TMEM178B: variants seen among roughly 807,000 people sequenced by gnomAD.
TMEM178B encodes transmembrane protein 178B.
A neutral mutation model predicts 31.0 loss-of-function variants in TMEM178B; 5 were observed. The observed-to-expected ratio is 0.16, with a 90% CI of 0.08 to 0.34. The LOEUF is 0.34. Ranked by LOEUF, TMEM178B falls within the 10% of genes least tolerant of loss-of-function variation. The pLI is 1.00. For synonymous variants in TMEM178B, 164 were observed against 164.0 expected (o/e 1.00, Z 0.00); for missense variants, 275 against 400.3 (o/e 0.69, Z 2.67).
intron 2 of TMEM178B, among the ~76,000 whole-genome samples, chr7:141,379,449 C>A (rs1363381030): frequency 6.6e-6 from 1 of 151,896 alleles, no homozygotes; most frequent in Non-Finnish European, 1.5e-5. Context: ...CATGCCATTA[C>A]ATTCCATCCT....
chr7:141,128,206 C>T (rs779558921), intron 1 of TMEM178B, among the ~76,000 whole-genome samples: 17 of 152,156 alleles, frequency 1.1e-4, no homozygotes, highest in Non-Finnish European at 2.5e-4. Context: ...GACAACTGGT[C>T]ATATCTAGAA....
At chr7:141,441,584 G>GCAGTGC (rs1801660459) in intron 3 of TMEM178B, among the ~76,000 whole-genome samples, 1 of 152,192 alleles carries the variant, frequency 6.6e-6, no homozygotes, top group South Asian at 2.1e-4. Flanking sequence ...GACAACATCA[G>GCAGTGC]CAGTGCCTGG....
chr7:141,245,475 T>C (rs1490126786), intron 2 of TMEM178B, among the ~76,000 whole-genome samples: 2 of 152,198 alleles, frequency 1.3e-5, no homozygotes, highest in Non-Finnish European at 1.5e-5. Flanking sequence ...TTAAGACTTC[T>C]TTTGAGAACA....
chr7:141,356,336 T>A (rs1332085125), intron 2 of TMEM178B, among the ~76,000 whole-genome samples: 2 of 152,054 alleles, frequency 1.3e-5, no homozygotes, highest in Non-Finnish European at 2.9e-5. Flanking sequence ...TTCCCACAAA[T>A]AGTGTATAAG....
At chr7:141,440,171 T>C (rs1157880236) in intron 3 of TMEM178B, among the ~76,000 whole-genome samples, 1 of 152,218 alleles carries the variant, frequency 6.6e-6, no homozygotes, top group African/African-American at 2.4e-5. Context: ...CCTTGGACCG[T>C]GCTGAGGCAC....
At chr7:141,501,263 G>A in the TMEM178B span, among the ~76,000 whole-genome samples, 77 of 151,658 alleles carry the variant, frequency 5.1e-4, no homozygotes, top group Admixed American at 2.3e-3. Flanking sequence ...ATTAGCTCTG[G>A]TTCCCTTGAA....
intron 2 of TMEM178B, among the ~76,000 whole-genome samples, chr7:141,272,951 C>A (rs550419769): frequency 2.5e-3 from 386 of 152,162 alleles, no homozygotes; most frequent in Non-Finnish European, 3.4e-3. Context: ...TCACACTAGC[C>A]GAGATATGGA....
In TMEM178B at chr7:141,258,038, C is replaced by T. The variant is rs531760877; in HGVS notation, c.496+45334C>T. 3.0e-3 allele frequency among the ~76,000 whole-genome samples: 462 copies of T among 151,766 alleles called. 2 individuals carry two copies. The highest frequency in any genetic ancestry group is 4.8e-3 in the Non-Finnish European group (323 of 67,926). Reference sequence around the variant, plus strand: ...TTTTTAGTAGTTTCTCTAGAGAGTACATTATGATCTTCAGTTTATCATAAT... The same window carrying T: ...TTTTTAGTAGTTTCTCTAGAGAGTATATTATGATCTTCAGTTTATCATAAT... On this transcript the variant is annotated intron_variant, in intron 2 of 3. Transcript: ENST00000565468.
chr7:141,089,481 A>G (rs1794843355), intron 1 of TMEM178B, among the ~76,000 whole-genome samples: 1 of 151,890 alleles, frequency 6.6e-6, no homozygotes, highest in Non-Finnish European at 1.5e-5. Context: ...AACTAGAAAT[A>G]CCATTTGAGC....
At chr7:141,358,004 C>G (rs1799850644) in intron 2 of TMEM178B, among the ~76,000 whole-genome samples, 1 of 152,106 alleles carries the variant, frequency 6.6e-6, no homozygotes, top group Non-Finnish European at 1.5e-5. Context: ...ATCCTGGAAA[C>G]CATTTTAACT....
intron 1 of TMEM178B, among the ~76,000 whole-genome samples, chr7:141,131,882 T>C (rs1173247829): frequency 6.6e-6 from 1 of 152,218 alleles, no homozygotes; most frequent in Non-Finnish European, 1.5e-5. Flanking sequence ...TCAAAAGTGG[T>C]TGAACTATTT....
chr7:141,210,457 CTCAA>C (rs931228425), intron 1 of TMEM178B, among the ~76,000 whole-genome samples: 1 of 151,990 alleles, frequency 6.6e-6, no homozygotes, highest in African/African-American at 2.4e-5. Flanking sequence ...GAGCAAAACT[CTCAA>C]TCAGTCAATC....
At chr7:141,135,572 A>G (rs1011024073) in intron 1 of TMEM178B, among the ~76,000 whole-genome samples, 1 of 152,226 alleles carries the variant, frequency 6.6e-6, no homozygotes, top group African/African-American at 2.4e-5. Context: ...ATCAATAACA[A>G]GAGGAACTTT....
At chr7:141,100,691 A>G (rs1795041916) in intron 1 of TMEM178B, among the ~76,000 whole-genome samples, 1 of 152,218 alleles carries the variant, frequency 6.6e-6, no homozygotes, top group African/African-American at 2.4e-5. Context: ...GATATAAACA[A>G]GGGCTGACTG....
rs199798982 is a variant in TMEM178B at position 141,192,972 on chromosome 7, GA to G, written c.383-19613del. Among the ~76,000 whole-genome samples the G allele has an allele frequency of 9.0e-3, 1,366 of 152,190 alleles. 41 individuals are homozygous for G. The highest frequency in any genetic ancestry group is 0.058 in the Admixed American group (893 of 15,288). ...AATGTATTCCATCTTCTGTAAGCAG[GA>G]AAAAATGTAGGAAAATGGAAATTTC... is the stretch of plus-strand genomic sequence containing the variant. On this transcript the variant is annotated intron_variant, in intron 1 of 3. Transcript: ENST00000565468.
intron 2 of TMEM178B, among the ~76,000 whole-genome samples, chr7:141,368,298 G>A (rs1307805644): frequency 2.0e-5 from 3 of 152,168 alleles, no homozygotes; most frequent in Admixed American, 6.5e-5. Context: ...CAGCCTGGGC[G>A]ATAGAGTGAG....
At chr7:141,261,540 A>G (rs894686326) in intron 2 of TMEM178B, among the ~76,000 whole-genome samples, 1 of 152,106 alleles carries the variant, frequency 6.6e-6, no homozygotes, top group African/African-American at 2.4e-5. Context: ...ATCGTTAGTC[A>G]TATATGGTTT....
chr7:141,104,160 C>T (rs1351290101), intron 1 of TMEM178B, among the ~76,000 whole-genome samples: 1 of 152,162 alleles, frequency 6.6e-6, no homozygotes, highest in African/African-American at 2.4e-5. Flanking sequence ...TTTCCCCGAC[C>T]TCCTGAGATG....
At chr7:141,347,888 G>A (rs892177181) in intron 2 of TMEM178B, among the ~76,000 whole-genome samples, 3 of 152,156 alleles carry the variant, frequency 2.0e-5, no homozygotes, top group Non-Finnish European at 4.4e-5. Flanking sequence ...AAACAACTGG[G>A]ACAATCTTGC....
Sources: allele counts gnomAD v4.1 joint callset (sites outside exome capture counted in the v4.1 genomes callset), GRCh38; gene constraint gnomAD v4.1.1; transcripts MANE v1.5; gene names NCBI Gene and HGNC (gene_info 2026-07-23, HGNC 2026-07-21).